CACNA2D1: variants seen among roughly 807,000 people sequenced by gnomAD.
The protein encoded by CACNA2D1 is voltage-dependent calcium channel subunit alpha-2/delta-1.
In CACNA2D1, 53 loss-of-function variants were observed where a neutral mutation model predicts 171.5. The ratio of observed to expected loss-of-function variants is 0.31; its 90% CI spans 0.25 to 0.39. The LOEUF (loss-of-function observed/expected upper bound fraction) is 0.39. Ranked by LOEUF, CACNA2D1 falls within the 10% of genes least tolerant of loss-of-function variation. The probability of loss-of-function intolerance (pLI) is 1.00; values close to 1 mark genes in which losing one functional copy is unlikely to be tolerated. For missense variants in CACNA2D1, 903 were observed against 1,299.8 expected, an observed-to-expected ratio of 0.69 and a Z score of 4.69; for synonymous variants, 442 against 443.1, an observed-to-expected ratio of 1.00 and a Z score of 0.03.
chr7:82,191,616 A>G (rs1798302492), intron 3 of CACNA2D1, among the ~76,000 whole-genome samples: 1 of 151,806 alleles, frequency 6.6e-6, no homozygotes, highest in Admixed American at 6.6e-5. Flanking sequence ...TTGACTTTAC[A>G]AATGTTTTAT....
At chr7:82,191,461 G>T (rs946738333) in intron 3 of CACNA2D1, among the ~76,000 whole-genome samples, 3 of 151,652 alleles carry the variant, frequency 2.0e-5, no homozygotes. Flanking sequence ...TGTTTAATTA[G>T]GTTGTCTCAC....
chr7:82,091,602 A>G (rs1319577609), intron 6 of CACNA2D1, among the ~76,000 whole-genome samples: 1 of 152,208 alleles, frequency 6.6e-6, no homozygotes, highest in East Asian at 1.9e-4. Context: ...AGTATCTAAT[A>G]TCATGTCTAC....
chr7:82,378,441 G>C (rs1272508048), intron 1 of CACNA2D1, among the ~76,000 whole-genome samples: 1 of 152,154 alleles, frequency 6.6e-6, no homozygotes, highest in African/African-American at 2.4e-5. Context: ...ATTTACTATA[G>C]AAGTGCTCAA....
In CACNA2D1 at chr7:82,443,667, C is replaced by G; in HGVS notation, c.-208G>C. The G allele has an allele frequency of 7.9e-7, 1 of 1,259,654 alleles. No homozygotes were observed. The highest frequency in any genetic ancestry group is 9.9e-7 in the Non-Finnish European group (1 of 1,008,052). The allele number at this position is 1,259,654 out of a possible 1,614,324, so 78.0% of individuals were successfully genotyped here. Reference sequence around the variant, plus strand: ...AGGAAGGGGCGGTGGCGGGCGGACCCACTAGCGTGCGTCGGCTGCTCCGCG... The same window carrying G: ...AGGAAGGGGCGGTGGCGGGCGGACCGACTAGCGTGCGTCGGCTGCTCCGCG... On this transcript the variant is annotated 5_prime_UTR_variant, in exon 1 of 39. Transcript: ENST00000356860.
intron 5 of CACNA2D1, among the ~76,000 whole-genome samples, chr7:82,135,706 AT>A (rs946849173): frequency 6.6e-6 from 1 of 151,976 alleles, no homozygotes; most frequent in East Asian, 1.9e-4. Flanking sequence ...TGTTTTATGT[AT>A]TTTTTCATTT....
At chr7:82,303,075 G>GTA (rs1473075546) in intron 3 of CACNA2D1, among the ~76,000 whole-genome samples, 1 of 151,964 alleles carries the variant, frequency 6.6e-6, no homozygotes, top group East Asian at 1.9e-4. Flanking sequence ...CTCACTGCAA[G>GTA]CTCCGCCTCC....
At chr7:82,371,592 TA>T (rs1249711686) in intron 1 of CACNA2D1, among the ~76,000 whole-genome samples, 175 of 152,196 alleles carry the variant, frequency 1.1e-3, no homozygotes, top group African/African-American at 4.0e-3. Flanking sequence ...TTATTATTAT[TA>T]TTTTGCAACA....
At chr7:81,974,395 A>G (rs549030229) in intron 25 of CACNA2D1, 60 bp downstream of exon 25, 21 of 818,186 alleles carry the variant, frequency 2.6e-5, no homozygotes, top group African/African-American at 2.2e-4. Context: ...GTATCCTATG[A>G]TATACTATAA....
chr7:81,974,137 T>A (rs2159567), intron 25 of CACNA2D1, among the ~76,000 whole-genome samples: 1 of 151,884 alleles, frequency 6.6e-6, no homozygotes. Flanking sequence ...CAAAATGCTA[T>A]AAAAAAACCT....
At chr7:82,085,296 C>G (rs185594407) in intron 6 of CACNA2D1, among the ~76,000 whole-genome samples, 1 of 152,162 alleles carries the variant, frequency 6.6e-6, no homozygotes, top group Non-Finnish European at 1.5e-5. Context: ...TTGTGACATG[C>G]GAAAATGTCT....
chr7:81,969,031 A>AT lies in CACNA2D1; in HGVS notation c.2309-59dup. On this transcript the variant is annotated intron_variant, in intron 28 of 38. Coordinates refer to ENST00000356860, the MANE Select transcript of CACNA2D1 (RefSeq NM_000722.4). ...CAAGATATATTGAATAATAATATTG[A>AT]TTTTCCGTCATTAGATACAAATGGA... 4 of 970,606 alleles carry AT rather than the reference A, an allele frequency of 4.1e-6. No individual in the cohort carries two copies. In the South Asian group the frequency reaches 4.2e-5, roughly 10 times the overall value. 60.1% of individuals were successfully genotyped at this position (970,606 alleles called of 1,614,324 possible).
intron 7 of CACNA2D1, 125 bp downstream of exon 7, chr7:82,084,643 GT>G: frequency 9.1e-7 from 1 of 1,103,290 alleles, no homozygotes; most frequent in Non-Finnish European, 1.4e-6. Context: ...AAAGAGGAAT[GT>G]TCTTTCCTTA....
In CACNA2D1 at chr7:81,968,959, C is replaced by T; in HGVS notation, c.2323G>A (p.Ala775Thr). The T allele has an allele frequency of 6.4e-7, 1 of 1,572,298 alleles. No individual in the cohort carries two copies. Among genetic ancestry groups the T allele is most frequent in the Non-Finnish European group, 8.7e-7 (1 of 1,144,774 alleles). Residue 775 changes from alanine (A) to threonine (T), a missense_variant, in exon 29 of 39, where the codon GCC (alanine) becomes ACC (threonine). Ala to Thr is a moderately conservative substitution (Grantham distance 58). This residue lies in a region of CACNA2D1 where 623 missense variants were observed against 925.5 expected (regional missense o/e 0.67). Coordinates refer to ENST00000356860, the MANE Select transcript of CACNA2D1 (RefSeq NM_000722.4). ...APYFNKSGPG[A>T]YESGIMVSKA... ...CTTACCATAATGCCCGATTCATAGG[C>T]ACCAGGTCCACTTTCTAAAAAAAAA... is the stretch of plus-strand genomic sequence containing the variant.
chr7:82,041,056 G>A (rs1276887546), intron 10 of CACNA2D1, among the ~76,000 whole-genome samples: 3 of 152,000 alleles, frequency 2.0e-5, no homozygotes, highest in Non-Finnish European at 2.9e-5. Flanking sequence ...TGGGTTGGGG[G>A]GGTGGGGAGG....
chr7:82,045,927 T>C (rs1011972531), intron 10 of CACNA2D1, among the ~76,000 whole-genome samples: 1 of 152,124 alleles, frequency 6.6e-6, no homozygotes, highest in Non-Finnish European at 1.5e-5. Flanking sequence ...CACTTTTCTC[T>C]AAGGTCTTTA....
intron 3 of CACNA2D1, among the ~76,000 whole-genome samples, chr7:82,239,393 C>T (rs989771665): frequency 8.6e-5 from 13 of 151,880 alleles, no homozygotes; most frequent in African/African-American, 2.7e-4. Flanking sequence ...TTTGACAATA[C>T]TTTTTAAATA....
chr7:82,295,042 T>C (rs569457818), intron 3 of CACNA2D1, among the ~76,000 whole-genome samples: 1 of 152,150 alleles, frequency 6.6e-6, no homozygotes, highest in South Asian at 2.1e-4. Context: ...TAATTATTAA[T>C]TACACAAAAA....
intron 12 of CACNA2D1, among the ~76,000 whole-genome samples, chr7:82,015,462 T>C (rs1428226361): frequency 1.3e-5 from 2 of 152,144 alleles, no homozygotes; most frequent in South Asian, 2.1e-4. Context: ...AGAGAGTTTT[T>C]ATAATTTATT....
rs527287842 is a variant in CACNA2D1, at chr7:82,419,447, A to G, written c.95+23918T>C. Reference sequence around the variant, plus strand: ...ATAGCCTAATTTCCGCTCCAGACCCAGCAGGAAAGAACAGACACTAGTACC... The same window carrying G: ...ATAGCCTAATTTCCGCTCCAGACCCGGCAGGAAAGAACAGACACTAGTACC... On this transcript the variant is annotated intron_variant, in intron 1 of 38. Transcript: ENST00000356860. Among the ~76,000 whole-genome samples the G allele has an allele frequency of 4.6e-5, 7 of 152,284 alleles. No individual in the cohort carries two copies. In the South Asian group the frequency reaches 1.4e-3, roughly 32 times the overall value.
Sources: allele counts gnomAD v4.1 joint callset (sites outside exome capture counted in the v4.1 genomes callset), GRCh38; gene constraint gnomAD v4.1.1; regional missense constraint gnomAD v4.1.1; transcripts MANE v1.5; gene names NCBI Gene and HGNC (gene_info 2026-07-23, HGNC 2026-07-21).